Variants in CNTN4 observed in about 807,000 individuals in gnomAD.
CNTN4 encodes the protein contactin 4, also known as contactin-4.
In CNTN4, 77 loss-of-function variants were observed where a neutral mutation model predicts 122.5. The observed-to-expected ratio is 0.63, with a 90% CI of 0.52 to 0.76. CNTN4 has a LOEUF of 0.76. Ranked by LOEUF, CNTN4 falls within the 30% of genes least tolerant of loss-of-function variation. CNTN4 has a pLI of 0.00. For missense variants in CNTN4, 1,256 were observed against 1,259.1 expected, an observed-to-expected ratio of 1.00 and a Z score of 0.04; for synonymous variants, 512 against 447.0, an observed-to-expected ratio of 1.15 and a Z score of -1.83.
chr3:2,743,120 C>G (rs1191545885), intron 5 of CNTN4, among the ~76,000 whole-genome samples: 1 of 152,158 alleles, frequency 6.6e-6, no homozygotes, highest in Admixed American at 6.5e-5. Flanking sequence ...TCTAAAAAGA[C>G]TCACATGGCC....
At chr3:2,535,529 C>G (rs1295466630) in intron 3 of CNTN4, among the ~76,000 whole-genome samples, 1 of 152,056 alleles carries the variant, frequency 6.6e-6, no homozygotes, top group East Asian at 1.9e-4. Flanking sequence ...CCTCCACTTG[C>G]CTCTTTAGAG....
At chr3:2,772,756 T>C (rs2091158887) in intron 6 of CNTN4, among the ~76,000 whole-genome samples, 1 of 152,062 alleles carries the variant, frequency 6.6e-6, no homozygotes, top group African/African-American at 2.4e-5. Context: ...TTACAGTAAA[T>C]AGACATGAAC....
chr3:2,274,908 A>G (rs1309189640), intron 2 of CNTN4, among the ~76,000 whole-genome samples: 2 of 152,062 alleles, frequency 1.3e-5, no homozygotes, highest in Non-Finnish European at 2.9e-5. Context: ...AGTACTGATG[A>G]TCCATCTTGA....
intron 3 of CNTN4, among the ~76,000 whole-genome samples, chr3:2,389,528 G>A (rs571046779): frequency 5.9e-4 from 90 of 152,212 alleles, no homozygotes; most frequent in African/African-American, 2.0e-3. Flanking sequence ...TACCACTACT[G>A]CAGTTTATCA....
chr3:2,122,890 C>A (rs1290620733), intron 2 of CNTN4, among the ~76,000 whole-genome samples: 1 of 152,138 alleles, frequency 6.6e-6, no homozygotes, highest in Non-Finnish European at 1.5e-5. Context: ...TTATGGTTGG[C>A]TGTTGTTCTT....
intron 2 of CNTN4, among the ~76,000 whole-genome samples, chr3:2,325,187 A>T (rs1347088952): frequency 2.6e-5 from 4 of 152,290 alleles, no homozygotes; most frequent in African/African-American, 9.6e-5. Flanking sequence ...GTCACATAAG[A>T]GCGAATGCAG....
At chr3:2,698,028 C>G (rs371130500) in intron 4 of CNTN4, among the ~76,000 whole-genome samples, 1 of 152,144 alleles carries the variant, frequency 6.6e-6, no homozygotes, top group Non-Finnish European at 1.5e-5. Flanking sequence ...TAAATGGGTA[C>G]GATAGCCAAG....
At chr3:2,675,644 T>G (rs560450179) in intron 4 of CNTN4, among the ~76,000 whole-genome samples, 1 of 152,314 alleles carries the variant, frequency 6.6e-6, no homozygotes, top group East Asian at 1.9e-4. Context: ...ACATAGTACA[T>G]GCTTAGTAAG....
At chr3:2,708,255 C>G (rs938339402) in intron 4 of CNTN4, among the ~76,000 whole-genome samples, 1 of 152,106 alleles carries the variant, frequency 6.6e-6, no homozygotes, top group Non-Finnish European at 1.5e-5. Context: ...CCTTGAAAAA[C>G]TAATGATGAC....
chr3:2,353,845 G>T (rs958686812), intron 3 of CNTN4, among the ~76,000 whole-genome samples: 1 of 152,014 alleles, frequency 6.6e-6, no homozygotes, highest in Non-Finnish European at 1.5e-5. Flanking sequence ...CTTGCAGTGA[G>T]CCAAGATGGC....
chr3:2,814,770 C>A (rs2092690495), intron 6 of CNTN4, among the ~76,000 whole-genome samples: 1 of 152,154 alleles, frequency 6.6e-6, no homozygotes, highest in Non-Finnish European at 1.5e-5. Flanking sequence ...TATCTTCTGG[C>A]CACTTCCTAG....
At chr3:2,137,257 A>T (rs1428934182) in intron 2 of CNTN4, among the ~76,000 whole-genome samples, 3 of 152,154 alleles carry the variant, frequency 2.0e-5, no homozygotes, top group Non-Finnish European at 4.4e-5. Flanking sequence ...GGCACATTTC[A>T]TATTGCTCTA....
intron 2 of CNTN4, among the ~76,000 whole-genome samples, chr3:2,260,009 G>A (rs1334749586): frequency 6.6e-6 from 1 of 152,084 alleles, no homozygotes; most frequent in Non-Finnish European, 1.5e-5. Flanking sequence ...GATTTTCATA[G>A]GTCATTGGAA....
At chr3:2,884,070 C>G (rs1577148191) in intron 9 of CNTN4, among the ~76,000 whole-genome samples, 1 of 152,212 alleles carries the variant, frequency 6.6e-6, no homozygotes, top group East Asian at 1.9e-4. Flanking sequence ...TTCCTGCGCC[C>G]AAATGTTGAC....
intron 3 of CNTN4, among the ~76,000 whole-genome samples, chr3:2,397,856 A>T (rs1351875392): frequency 1.3e-5 from 2 of 152,198 alleles, no homozygotes; most frequent in African/African-American, 2.4e-5. Flanking sequence ...CTCTGAGCAC[A>T]CTACAGCAAC....
chr3:2,933,201 A>G (rs2094539935), intron 13 of CNTN4, among the ~76,000 whole-genome samples: 1 of 152,148 alleles, frequency 6.6e-6, no homozygotes, highest in African/African-American at 2.4e-5. Context: ...CATCAAGGAA[A>G]AAGTCAGTTA....
intron 2 of CNTN4, among the ~76,000 whole-genome samples, chr3:2,101,488 T>C (rs2031951312): frequency 6.6e-6 from 1 of 152,216 alleles, no homozygotes; most frequent in Non-Finnish European, 1.5e-5. Flanking sequence ...AACTTGCTTT[T>C]ATATTATTTT....
chr3:2,466,403 G>A lies in CNTN4; in HGVS notation c.-88-105013G>A, dbSNP rs1385442343. ...TTGTATCTTTCACCAACATCTACAGGAGTTGTGTAGAATAATAAGATTAGA... is the reference window on the plus strand; with the variant it reads ...TTGTATCTTTCACCAACATCTACAGAAGTTGTGTAGAATAATAAGATTAGA... On this transcript the variant is annotated intron_variant, in intron 3 of 24. Coordinates refer to ENST00000418658, the MANE Select transcript of CNTN4 (RefSeq NM_175607.3). Among the ~76,000 whole-genome samples, 3 of 152,272 alleles carry A rather than the reference G, an allele frequency of 2.0e-5. No homozygotes were observed. In the East Asian group the frequency reaches 5.8e-4, roughly 29 times the overall value.
intron 3 of CNTN4, among the ~76,000 whole-genome samples, chr3:2,392,157 A>G (rs572528154): frequency 7.2e-5 from 11 of 152,284 alleles, no homozygotes; most frequent in African/African-American, 2.2e-4. Context: ...AGCCTTCCCA[A>G]ATCCACTTGG....
Sources: gnomAD v4.1 joint callset for allele counts (sites outside exome capture counted in the v4.1 genomes callset) on GRCh38, gnomAD v4.1.1 for gene constraint, MANE v1.5 for transcripts, NCBI Gene and HGNC (gene_info 2026-07-23, HGNC 2026-07-21) for gene names.